Variants in RELN observed in about 807,000 individuals in gnomAD.
RELN encodes reelin.
RELN carries 108 observed loss-of-function variants against 427.6 expected under a neutral mutation model. The ratio of observed to expected loss-of-function variants is 0.25; its 90% confidence interval spans 0.22 to 0.30. The LOEUF (loss-of-function observed/expected upper bound fraction) is 0.30. Among genes scored for constraint, RELN ranks in the 10% least tolerant of loss-of-function variants. RELN has a pLI of 1.00. For synonymous variants in RELN, 1,524 were observed against 1,513.4 expected (o/e 1.01, Z -0.16); for missense variants, 3,715 against 4,302.8 (o/e 0.86, Z 3.82).
chr7:103,928,134 T>G (rs1028529144), intron 1 of RELN, among the ~76,000 whole-genome samples: 1 of 152,188 alleles, frequency 6.6e-6, no homozygotes, highest in Non-Finnish European at 1.5e-5. Context: ...CTCACAATTA[T>G]CTGTACACAG....
chr7:103,537,782 C>T (rs747786987), intron 45 of RELN, among the ~76,000 whole-genome samples: 8 of 152,206 alleles, frequency 5.3e-5, no homozygotes, highest in Non-Finnish European at 1.0e-4. Context: ...GAGAACCCCA[C>T]GTCAGCTTCT....
chr7:103,737,396 A>G (rs531090133), intron 6 of RELN, among the ~76,000 whole-genome samples: 5 of 152,314 alleles, frequency 3.3e-5, no homozygotes, highest in African/African-American at 1.2e-4. Flanking sequence ...CTGATTACCT[A>G]GAAAATCCAC....
chr7:103,646,386 A>C (rs550528790), intron 16 of RELN, among the ~76,000 whole-genome samples: 17 of 151,898 alleles, frequency 1.1e-4, no homozygotes, highest in Non-Finnish European at 2.2e-4. Flanking sequence ...AGACTAACCA[A>C]GAAGAGAAGA....
intron 20 of RELN, among the ~76,000 whole-genome samples, chr7:103,617,609 G>GAT (rs140490525): frequency 0.027 from 3,992 of 149,768 alleles, 171 homozygotes; most frequent in African/African-American, 0.093. Flanking sequence ...ATTCCTTTCA[G>GAT]ATATATATAT....
chr7:103,981,379 T>A (rs1322444336), intron 1 of RELN, among the ~76,000 whole-genome samples: 1 of 152,228 alleles, frequency 6.6e-6, no homozygotes, highest in African/African-American at 2.4e-5. Flanking sequence ...AAATGCACTA[T>A]CTTTGCCACC....
At chr7:103,712,317 T>A (rs2115853355) in intron 8 of RELN, among the ~76,000 whole-genome samples, 1 of 152,318 alleles carries the variant, frequency 6.6e-6, no homozygotes, top group African/African-American at 2.4e-5. Context: ...TTTCCATCCC[T>A]CTTGAGTAGT....
At chr7:103,515,507 G>GAAT in intron 49 of RELN, 66 bp from the exon 50 acceptor site, 2 of 1,587,738 alleles carry the variant, frequency 1.3e-6, no homozygotes, top group East Asian at 2.2e-5. Flanking sequence ...CTGAGTAAAA[G>GAAT]ATTTACAACC....
At chr7:103,504,871 G>A (rs1457974089) in intron 51 of RELN, among the ~76,000 whole-genome samples, 2 of 152,160 alleles carry the variant, frequency 1.3e-5, no homozygotes, top group Non-Finnish European at 2.9e-5. Context: ...GGTCGAACTG[G>A]GATGCTCGAG....
intron 2 of RELN, among the ~76,000 whole-genome samples, chr7:103,866,603 A>C (rs34958562): frequency 0.14 from 21,893 of 152,068 alleles, 1,881 homozygotes; most frequent in East Asian, 0.34. Context: ...AAATCAAAAG[A>C]ATAGGTGTTG....
intron 55 of RELN, among the ~76,000 whole-genome samples, chr7:103,497,590 T>A (rs1042651496): frequency 6.6e-6 from 1 of 152,242 alleles, no homozygotes; most frequent in African/African-American, 2.4e-5. Flanking sequence ...GTTTTCTTTA[T>A]TCATAAAGTT....
At chr7:103,737,996 C>T (rs1421427939) in intron 6 of RELN, among the ~76,000 whole-genome samples, 1 of 151,826 alleles carries the variant, frequency 6.6e-6, no homozygotes, top group African/African-American at 2.4e-5. Context: ...ACCCAGTCAT[C>T]TAAGATGCTA....
intron 2 of RELN, among the ~76,000 whole-genome samples, chr7:103,870,961 G>T (rs1563061899): frequency 1.3e-5 from 2 of 152,134 alleles, no homozygotes; most frequent in African/African-American, 2.4e-5. Context: ...GGACCACTGT[G>T]CTTTTTCTGG....
intron 4 of RELN, among the ~76,000 whole-genome samples, chr7:103,766,333 A>C (rs1304638139): frequency 6.6e-6 from 1 of 152,228 alleles, no homozygotes; most frequent in East Asian, 1.9e-4. Context: ...AGTGAAATAC[A>C]TCAGTATTTA....
intron 22 of RELN, among the ~76,000 whole-genome samples, chr7:103,606,495 G>A (rs562423160): frequency 1.8e-4 from 27 of 152,192 alleles, no homozygotes; most frequent in Admixed American, 1.8e-3. Context: ...TCAAATAAAA[G>A]GTTTAGGCAA....
intron 3 of RELN, among the ~76,000 whole-genome samples, chr7:103,789,963 A>T (rs1584494376): frequency 6.6e-6 from 1 of 152,234 alleles, no homozygotes; most frequent in South Asian, 2.1e-4. Context: ...GACTGGATAA[A>T]GAAAATGTGG....
intron 49 of RELN, among the ~76,000 whole-genome samples, chr7:103,517,712 T>C (rs907736149): frequency 6.6e-6 from 1 of 152,218 alleles, no homozygotes; most frequent in East Asian, 1.9e-4. Flanking sequence ...GATTCCTTTA[T>C]TGGTGTCCAA....
intron 3 of RELN, among the ~76,000 whole-genome samples, chr7:103,806,621 G>A (rs973022765): frequency 6.6e-6 from 1 of 152,024 alleles, no homozygotes; most frequent in African/African-American, 2.4e-5. Flanking sequence ...CACCATGCCC[G>A]GCCATAAGCA....
chr7:103,511,740 C>T (rs946025405), intron 50 of RELN, among the ~76,000 whole-genome samples: 1 of 152,028 alleles, frequency 6.6e-6, no homozygotes, highest in Non-Finnish European at 1.5e-5. Context: ...CGCCCATAGT[C>T]TCAGCTACTT....
At position 103,655,440 on chromosome 7, in the gene RELN, C is replaced by T. The variant is rs1304164769; in HGVS notation, c.1442-1235G>A. Among the ~76,000 whole-genome samples the T allele has an allele frequency of 7.2e-5, 11 of 152,036 alleles. 1 individual carries two copies. The highest frequency in any genetic ancestry group is 2.9e-5 in the Non-Finnish European group (2 of 67,990). On this transcript the variant is annotated intron_variant, in intron 12 of 64. Transcript: ENST00000428762. The stretch of plus-strand genomic sequence containing the variant: ...ATACTCTCTGGTGACAGTAAAACAA[C>T]ATCAACATTCTAGAATAAAACTACC...
Sources: gnomAD v4.1 joint callset for allele counts (sites outside exome capture counted in the v4.1 genomes callset) on GRCh38, gnomAD v4.1.1 for gene constraint, MANE v1.5 for transcripts, NCBI Gene and HGNC (gene_info 2026-07-23, HGNC 2026-07-21) for gene names.